The following CTNNA3 variants were observed in gnomAD, a reference collection of about 807,000 sequenced individuals.
CTNNA3 encodes catenin alpha-3.
A neutral mutation model predicts 95.7 loss-of-function variants in CTNNA3; 76 were observed. The ratio of observed to expected loss-of-function variants is 0.79; its 90% CI spans 0.66 to 0.96. CTNNA3 has a LOEUF of 0.96. Among genes scored for constraint, CTNNA3 ranks in the 40% least tolerant of loss-of-function variants. The pLI is 0.00. For synonymous variants in CTNNA3, 431 were observed against 374.4 expected (o/e 1.15, Z -1.74); for missense variants, 1,191 against 1,089.8 (o/e 1.09, Z -1.31).
At chr10:67,317,641 G>A (rs1311984636) in intron 5 of CTNNA3, among the ~76,000 whole-genome samples, 1 of 152,054 alleles carries the variant, frequency 6.6e-6, no homozygotes, top group Non-Finnish European at 1.5e-5. Flanking sequence ...TAGCCAGGAT[G>A]GTGTCGATCT....
chr10:66,069,285 C>T, intron 15 of CTNNA3, 23 bp downstream of exon 15: 1 of 1,604,482 alleles, frequency 6.2e-7, no homozygotes, highest in Non-Finnish European at 8.5e-7. Context: ...ATGAATATTA[C>T]ACATCGTTTT....
In CTNNA3 at chr10:67,008,460, T is replaced by A. The variant is rs555346799; in HGVS notation, c.1047+171857A>T. Among the ~76,000 whole-genome samples the A allele has an allele frequency of 5.9e-5, 9 of 152,262 alleles. No homozygotes were observed. The South Asian group carries it at 1.9e-3, about 32-fold the overall frequency. On this transcript the variant is annotated intron_variant, in intron 7 of 17. Coordinates refer to ENST00000433211, the MANE Select transcript of CTNNA3 (RefSeq NM_013266.4). The stretch of plus-strand genomic sequence containing the variant: ...TAGGCTGAAATTCACTACAGCTTTT[T>A]TGTTTGTTTTGTTTTGTTTTTACAG...
intron 7 of CTNNA3, among the ~76,000 whole-genome samples, chr10:67,032,665 T>C (rs2133114857): frequency 6.6e-6 from 1 of 152,326 alleles, no homozygotes; most frequent in Non-Finnish European, 1.5e-5. Flanking sequence ...CAGAACATTA[T>C]TCAAATTGAA....
chr10:66,806,261 T>C (rs1043597719), intron 7 of CTNNA3, among the ~76,000 whole-genome samples: 1 of 144,070 alleles, frequency 6.9e-6, no homozygotes, highest in East Asian at 2.1e-4. Flanking sequence ...ATATTGGTGT[T>C]TGTGTGTGTG....
chr10:67,215,032 T>C (rs10823008), intron 6 of CTNNA3, among the ~76,000 whole-genome samples: 25,985 of 151,876 alleles, frequency 0.17, 3,124 homozygotes, highest in African/African-American at 0.34. Context: ...CTCTTCTGAA[T>C]TGTATATTAT....
intron 3 of CTNNA3, among the ~76,000 whole-genome samples, chr10:67,585,418 T>C (rs1445211905): frequency 6.6e-6 from 1 of 152,204 alleles, no homozygotes; most frequent in Non-Finnish European, 1.5e-5. Context: ...TTAGAATTAG[T>C]GCTTTGTATA....
rs539417030 is a variant in CTNNA3 at position 67,525,115 on chromosome 10, CA to C, written c.460-3155del. 8.0e-5 allele frequency among the ~76,000 whole-genome samples: 12 copies of C among 150,438 alleles called. No individual in the cohort carries two copies. The South Asian group carries it at 1.7e-3, about 21-fold the overall frequency. ...TTTTGAGTGGGAATTTAAAATGAGC[CA>C]AAAACCCCAGAATAATTTGTTGAAC... is the stretch of plus-strand genomic sequence containing the variant. On this transcript the variant is annotated intron_variant, in intron 4 of 17. Coordinates refer to ENST00000433211, the MANE Select transcript of CTNNA3 (RefSeq NM_013266.4).
intron 3 of CTNNA3, among the ~76,000 whole-genome samples, chr10:67,574,884 G>T (rs547360604): frequency 4.7e-4 from 71 of 152,194 alleles, no homozygotes; most frequent in African/African-American, 1.7e-3. Flanking sequence ...CCTGACCAAG[G>T]TTGTTAACAT....
At chr10:67,340,601 C>T (rs1215679682) in intron 5 of CTNNA3, among the ~76,000 whole-genome samples, 1 of 152,208 alleles carries the variant, frequency 6.6e-6, no homozygotes, top group East Asian at 1.9e-4. Flanking sequence ...GCAGTTTGGC[C>T]TCTAAGAGGC....
At chr10:67,615,414 C>A (rs1003945696) in intron 2 of CTNNA3, among the ~76,000 whole-genome samples, 2 of 152,164 alleles carry the variant, frequency 1.3e-5, no homozygotes, top group Non-Finnish European at 2.9e-5. Flanking sequence ...AAATATAAAG[C>A]TAAACACAAC....
chr10:66,909,175 T>G (rs183059502), intron 7 of CTNNA3, among the ~76,000 whole-genome samples: 6 of 152,172 alleles, frequency 3.9e-5, no homozygotes, highest in Non-Finnish European at 4.4e-5. Context: ...TGTCCCCAAA[T>G]TGCCCCTGTA....
At chr10:66,739,460 A>G (rs1393522076) in intron 9 of CTNNA3, among the ~76,000 whole-genome samples, 1 of 152,176 alleles carries the variant, frequency 6.6e-6, no homozygotes, top group African/African-American at 2.4e-5. Flanking sequence ...ATCAGTGTGT[A>G]TTTTCACAGC....
At chr10:66,338,298 C>T (rs1012840942) in intron 12 of CTNNA3, among the ~76,000 whole-genome samples, 3 of 151,786 alleles carry the variant, frequency 2.0e-5, no homozygotes, top group Admixed American at 1.3e-4. Flanking sequence ...GCCTGGAGGT[C>T]GGAAGGATTA....
chr10:67,443,732 C>A (rs1215371029), intron 5 of CTNNA3, among the ~76,000 whole-genome samples: 1 of 151,314 alleles, frequency 6.6e-6, no homozygotes, highest in East Asian at 2.0e-4. Context: ...AAAATTTTCT[C>A]CCATTTTGTA....
At chr10:67,326,641 C>A (rs1388431329) in intron 5 of CTNNA3, among the ~76,000 whole-genome samples, 2 of 152,192 alleles carry the variant, frequency 1.3e-5, no homozygotes, top group African/African-American at 4.8e-5. Flanking sequence ...ACCTTTCTCT[C>A]TAGCTGCCTT....
At chr10:66,614,327 T>G (rs935811686) in intron 10 of CTNNA3, among the ~76,000 whole-genome samples, 1 of 152,028 alleles carries the variant, frequency 6.6e-6, no homozygotes, top group Admixed American at 6.6e-5. Flanking sequence ...CTGAAAAAGG[T>G]CATTGAGGTA....
intron 13 of CTNNA3, among the ~76,000 whole-genome samples, chr10:66,265,573 T>G (rs2091127414): frequency 6.6e-6 from 1 of 152,060 alleles, no homozygotes. Context: ...ATTCAGTAAC[T>G]TTTAGAAACA....
At chr10:66,126,688 T>C (rs2082842843) in intron 13 of CTNNA3, among the ~76,000 whole-genome samples, 1 of 152,206 alleles carries the variant, frequency 6.6e-6, no homozygotes, top group Non-Finnish European at 1.5e-5. Context: ...CTGAAAGAGT[T>C]GTCAATAGCC....
rs1223325990 is a variant in CTNNA3 at position 67,392,866 on chromosome 10, T to C, written c.579+128976A>G. On this transcript the variant is annotated intron_variant, in intron 5 of 17. Coordinates refer to ENST00000433211, the MANE Select transcript of CTNNA3 (RefSeq NM_013266.4). Reference sequence around the variant, plus strand: ...GTGGGAATTGAACAATGAGAACACATGGACACAGGAAGGGGAACATCACAC... The same window carrying C: ...GTGGGAATTGAACAATGAGAACACACGGACACAGGAAGGGGAACATCACAC... Among the ~76,000 whole-genome samples, 3 of 151,526 alleles carry C rather than the reference T, an allele frequency of 2.0e-5. No homozygotes were observed. In the East Asian group the frequency reaches 5.9e-4, roughly 30 times the overall value.
Sources: allele counts gnomAD v4.1 joint callset (sites outside exome capture counted in the v4.1 genomes callset), GRCh38; gene constraint gnomAD v4.1.1; transcripts MANE v1.5; gene names NCBI Gene and HGNC (gene_info 2026-07-23, HGNC 2026-07-21).